UPP2: variants seen among roughly 807,000 people sequenced by gnomAD.
UPP2 encodes UPase 2.
Under a neutral mutation model 26.7 loss-of-function variants are expected in UPP2, and 23 were observed. The observed-to-expected ratio is 0.86, with a 90% CI of 0.62 to 1.22. The LOEUF (loss-of-function observed/expected upper bound fraction) is 1.22, where lower values mean the gene tolerates loss of function less well. Among genes scored for constraint, UPP2 ranks in the 50% most tolerant of loss-of-function variants. The pLI, the probability that UPP2 is intolerant of heterozygous loss-of-function variation, is 0.00. For missense variants in UPP2, 387 were observed against 396.7 expected, an observed-to-expected ratio of 0.98 and a Z score of 0.21; for synonymous variants, 127 against 141.3, an observed-to-expected ratio of 0.90 and a Z score of 0.72.
intron 3 of UPP2, among the ~76,000 whole-genome samples, chr2:158,095,783 T>TG (rs1048171383): frequency 1.7e-4 from 26 of 152,110 alleles, no homozygotes; most frequent in African/African-American, 5.3e-4. Context: ...ACATTCTTCC[T>TG]GTTTTTTTTT....
intron 3 of UPP2, among the ~76,000 whole-genome samples, chr2:158,022,700 G>A (rs2105149645): frequency 6.6e-6 from 1 of 152,154 alleles, no homozygotes; most frequent in South Asian, 2.1e-4. Context: ...AAGACAGTCT[G>A]GACCAGGTTC....
rs562654455 is a variant in UPP2 at position 158,077,676 on chromosome 2, A to G, written c.148-24364A>G. Among the ~76,000 whole-genome samples, 6 of 152,302 alleles carry G rather than the reference A, an allele frequency of 3.9e-5. No homozygotes were observed. In the East Asian group the frequency reaches 5.8e-4, roughly 15 times the overall value. On this transcript the variant is annotated intron_variant, in intron 3 of 9. Coordinates refer to the UPP2 transcript ENST00000605860. Reference sequence around the variant, plus strand: ...AGACTTAAATCGAAGACCTAAAACTATAAAACTGCTACAAGAAAACATTGG... The same window carrying G: ...AGACTTAAATCGAAGACCTAAAACTGTAAAACTGCTACAAGAAAACATTGG...
chr2:158,079,200 C>T (rs1046596113), intron 3 of UPP2, among the ~76,000 whole-genome samples: 1 of 152,090 alleles, frequency 6.6e-6, no homozygotes, highest in Non-Finnish European at 1.5e-5. Context: ...ATTACCCAGT[C>T]TCATGTATTT....
Position 158,134,976 on chromosome 2 carries a change from T to C in UPP2, c.*86T>C. ...AAGTCATATTTTATTTGTGGCATTTTTATATAGTTCTCATCCACATGCTAA... is the reference window on the plus strand; with the variant it reads ...AAGTCATATTTTATTTGTGGCATTTCTATATAGTTCTCATCCACATGCTAA... On this transcript the variant is annotated 3_prime_UTR_variant, in exon 7 of 7. Transcript: ENST00000005756. 1.4e-6 allele frequency: 2 copies of C among 1,469,366 alleles called. No individual in the cohort carries two copies. Among genetic ancestry groups the C allele is most frequent in the South Asian group, 2.9e-5 (2 of 68,526 alleles). 91.0% of individuals were successfully genotyped at this position (1,469,366 alleles called of 1,614,324 possible). A position where few individuals can be genotyped will look rare whatever the true frequency, so the allele number is the denominator to read the frequency against.
chr2:158,115,341 TC>T, intron 3 of UPP2, 82 bp downstream of exon 3: 1 of 1,459,610 alleles, frequency 6.9e-7, no homozygotes. Context: ...GAGTTCTTTT[TC>T]CCTCCAGCTT....
At chr2:158,063,506 C>T (rs992136788) in intron 3 of UPP2, among the ~76,000 whole-genome samples, 3 of 152,166 alleles carry the variant, frequency 2.0e-5, no homozygotes, top group African/African-American at 4.8e-5. Context: ...ACATGGCCAC[C>T]GCCACCCAGC....
chr2:158,067,369 T>C (rs1466743668), intron 3 of UPP2, among the ~76,000 whole-genome samples: 1 of 115,176 alleles, frequency 8.7e-6, no homozygotes, highest in Admixed American at 8.7e-5. Context: ...GCATTTATCA[T>C]CAAAAAAAAA....
intron 3 of UPP2, among the ~76,000 whole-genome samples, chr2:158,052,361 C>T (rs1235590099): frequency 2.6e-5 from 4 of 152,094 alleles, no homozygotes; most frequent in East Asian, 1.9e-4. Context: ...ATGATGGTGG[C>T]GATATCAAGA....
chr2:158,127,420 T>A (rs946441943), intron 6 of UPP2, among the ~76,000 whole-genome samples: 1 of 152,104 alleles, frequency 6.6e-6, no homozygotes, highest in Non-Finnish European at 1.5e-5. Context: ...GAATAATGCC[T>A]GCCATATGGG....
intron 4 of UPP2, among the ~76,000 whole-genome samples, chr2:158,119,058 C>T (rs12987618): frequency 0.027 from 4,073 of 152,106 alleles, 144 homozygotes; most frequent in East Asian, 0.14. Flanking sequence ...TCCAACAATA[C>T]CCCAAATAAT....
At chr2:158,033,142 A>C (rs1465699906) in intron 3 of UPP2, among the ~76,000 whole-genome samples, 1 of 152,112 alleles carries the variant, frequency 6.6e-6, no homozygotes, top group Non-Finnish European at 1.5e-5. Context: ...TTCTGGCCTG[A>C]AGCATACTGA....
intron 3 of UPP2, among the ~76,000 whole-genome samples, chr2:158,063,104 T>A (rs1233408365): frequency 6.6e-6 from 1 of 152,222 alleles, no homozygotes. Context: ...TGTAGCCTTT[T>A]CTTGAATGAT....
At chr2:158,088,809 C>T (rs1298881480) in intron 3 of UPP2, among the ~76,000 whole-genome samples, 2 of 152,152 alleles carry the variant, frequency 1.3e-5, no homozygotes, top group Admixed American at 6.5e-5. Context: ...GGCGAGTGTC[C>T]GCACAGAGTC....
At chr2:158,018,117 T>C (rs559900937) in intron 3 of UPP2, among the ~76,000 whole-genome samples, 149 of 152,332 alleles carry the variant, frequency 9.8e-4, no homozygotes, top group East Asian at 3.1e-3. Context: ...GATGATATCA[T>C]AACCAATGAA....
intron 6 of UPP2, among the ~76,000 whole-genome samples, chr2:158,133,236 AG>A (rs1251497666): frequency 1.3e-4 from 20 of 152,240 alleles, no homozygotes; most frequent in Admixed American, 1.2e-3. Context: ...ATGAATTTGG[AG>A]GCCATTTTGT....
intron 3 of UPP2, among the ~76,000 whole-genome samples, chr2:158,091,912 G>C (rs182881645): frequency 1.3e-5 from 2 of 152,320 alleles, no homozygotes; most frequent in East Asian, 3.9e-4. Context: ...ATGTTACCCA[G>C]TTTATGGTGA....
intron 2 of UPP2, among the ~76,000 whole-genome samples, chr2:158,114,040 C>T (rs1198091134): frequency 6.6e-6 from 1 of 152,176 alleles, no homozygotes; most frequent in Non-Finnish European, 1.5e-5. Flanking sequence ...CTGTGTTTTT[C>T]CTATTTTGGA....
chr2:158,064,365 TCA>T (rs1295159913), intron 3 of UPP2, among the ~76,000 whole-genome samples: 18 of 80,922 alleles, frequency 2.2e-4, no homozygotes, highest in African/African-American at 8.3e-4. Flanking sequence ...AGCATTTTTT[TCA>T]TATGTTTGTT....
At chr2:158,084,980 CT>C (rs1194290297) in intron 3 of UPP2, among the ~76,000 whole-genome samples, 1 of 151,934 alleles carries the variant, frequency 6.6e-6, no homozygotes, top group African/African-American at 2.4e-5. Flanking sequence ...TATGCAGACT[CT>C]TTTTTTGTTA....
Sources: gnomAD v4.1 joint callset for allele counts (sites outside exome capture counted in the v4.1 genomes callset) on GRCh38, gnomAD v4.1.1 for gene constraint, MANE v1.5 for transcripts, NCBI Gene and HGNC (gene_info 2026-07-23, HGNC 2026-07-21) for gene names.